The following SH3BP2 variants were observed in gnomAD, a reference collection of about 807,000 sequenced individuals.
SH3BP2 encodes the protein SH3 domain binding protein 2.
A neutral mutation model predicts 56.2 loss-of-function variants in SH3BP2; 38 were observed. The ratio of observed to expected loss-of-function variants is 0.68; its 90% CI spans 0.52 to 0.89. The LOEUF is 0.89. SH3BP2 is among the 40% of genes least tolerant of loss of function. SH3BP2 has a pLI of 0.00. For missense variants in SH3BP2, 748 were observed against 762.6 expected, an observed-to-expected ratio of 0.98 and a Z score of 0.23; for synonymous variants, 346 against 316.7, an observed-to-expected ratio of 1.09 and a Z score of -0.98.
At chr4:2,820,009 C>T (rs1014271165) in intron 1 of SH3BP2, among the ~76,000 whole-genome samples, 1 of 152,118 alleles carries the variant, frequency 6.6e-6, no homozygotes, top group Non-Finnish European at 1.5e-5. Context: ...GGGTGGATAG[C>T]AGCCAACCCA....
rs1314236486 is a variant in SH3BP2, at chr4:2,829,635, C to T, written c.729C>T (p.Gly243=). Residue 243 remains glycine, a synonymous_variant, in exon 8 of 13, where the codon GGC becomes GGT. Transcript: ENST00000503393. This position sits in a 1 kb window ranked among gnomAD's most constrained non-coding sequence, Gnocchi z 4.9. ...PLLPPPPPKH[G]LPDVGLAAED... The stretch of plus-strand genomic sequence containing the variant: ...TGCCACCCCCGCCCCCTAAGCACGG[C>T]CTCCCAGATGTTGGCCTGGCTGCTG... The T allele has an allele frequency of 6.2e-7, 1 of 1,612,872 alleles. No homozygotes were observed. Among genetic ancestry groups the T allele is most frequent in the Non-Finnish European group, 8.5e-7 (1 of 1,179,782 alleles).
chr4:2,797,919 C>T (rs988683154), intron 1 of SH3BP2, among the ~76,000 whole-genome samples: 1 of 152,248 alleles, frequency 6.6e-6, no homozygotes, highest in African/African-American at 2.4e-5. Context: ...CTGTGTTTAA[C>T]TCTACTGAGC....
At chr4:2,826,177 G>A (rs1435919215) in intron 5 of SH3BP2, 2 of 155,470 alleles carry the variant, frequency 1.3e-5, no homozygotes, top group African/African-American at 4.8e-5. Context: ...ACCTAGTGGA[G>A]GCACCACAGC....
chr4:2,793,305 TCTCGGGGGA>T (rs1268025239), intron 1 of SH3BP2, among the ~76,000 whole-genome samples, 167 bp downstream of exon 1: 1 of 115,770 alleles, frequency 8.6e-6, no homozygotes, highest in African/African-American at 3.4e-5. Context: ...GTCTCGGGGG[TCTCGGGGGA>T]GTCTCCGGGG....
chr4:2,803,831 C>T lies in SH3BP2; in HGVS notation c.-5+10693C>T, dbSNP rs117255850. On this transcript the variant is annotated intron_variant, in intron 1 of 12. Coordinates refer to ENST00000503393, the MANE Select transcript of SH3BP2 (RefSeq NM_001122681.2). ...CCCAGGACGCTGGCGGATGTGTCAA[C>T]GTGTCTGGGTGGAACAGATGTCACA... Among the ~76,000 whole-genome samples the T allele has an allele frequency of 5.3e-4, 81 of 152,278 alleles. No individual in the cohort carries two copies. In the East Asian group the frequency reaches 6.9e-3, roughly 13 times the overall value.
chr4:2,812,214 C>G, intron 1 of SH3BP2: 1 of 1,482,856 alleles, frequency 6.7e-7, no homozygotes, highest in Non-Finnish European at 9.0e-7. Context: ...CAGGAAGTGC[C>G]GGCTACTTGG....
Position 2,829,156 on chromosome 4 carries a change from G to A in SH3BP2, c.587-337G>A, listed in dbSNP as rs1472001808. ...CCTTGGGAATTCCGTCCTCCCTCTC[G>A]CTCCAGCCGAGCCCTGAGATCCTTC... On this transcript the variant is annotated intron_variant, in intron 7 of 12. Coordinates refer to ENST00000503393, the MANE Select transcript of SH3BP2 (RefSeq NM_001122681.2). The surrounding 1 kb of genome is among the most constrained non-coding windows in gnomAD (Gnocchi z 4.9). Among the ~76,000 whole-genome samples the A allele has an allele frequency of 2.0e-5, 3 of 152,038 alleles. No homozygotes were observed. The highest frequency in any genetic ancestry group is 2.9e-5 in the Non-Finnish European group (2 of 68,002).
At position 2,819,304 on chromosome 4, in the gene SH3BP2, C is replaced by T. The variant is rs150383589; in HGVS notation, c.-4-1310C>T. 3.0e-3 allele frequency among the ~76,000 whole-genome samples: 455 copies of T among 152,296 alleles called. 5 individuals carry two copies. Among genetic ancestry groups the T allele is most frequent in the African/African-American group, 0.011 (442 of 41,552 alleles). On this transcript the variant is annotated intron_variant, in intron 1 of 12. Coordinates refer to ENST00000503393, the MANE Select transcript of SH3BP2 (RefSeq NM_001122681.2). ...GTACGATCATAGACCACTGCAGCCT[C>T]AAACTCCTGGGCTCAAGTGATCCTC...
chr4:2,814,285 G>A lies in SH3BP2; in HGVS notation c.-4-6329G>A, dbSNP rs537678304. ...GGGCTCATGGGGCCCCAGGGTGGTG[G>A]GAGCCACAGAGCCTGCATTAAATGG... On this transcript the variant is annotated intron_variant, in intron 1 of 12. Coordinates refer to ENST00000503393, the MANE Select transcript of SH3BP2 (RefSeq NM_001122681.2). Among the ~76,000 whole-genome samples, 4 of 152,300 alleles carry A rather than the reference G, an allele frequency of 2.6e-5. No individual in the cohort carries two copies. The East Asian group carries it at 5.8e-4, about 22-fold the overall frequency.
chr4:2,827,281 G>A lies in SH3BP2; in HGVS notation c.480G>A (p.Val160=). Residue 160 remains valine (V), a synonymous_variant, in exon 6 of 13, where the codon GTG becomes GTA. Transcript: ENST00000503393. ...DSFYGAVERP[V]DISLSPYPTD... ...TCTACGGCGCAGTTGAGCGGCCTGT[G>A]GATATCAGCCTTTCCCCGTACCCCA... 6.2e-7 allele frequency: 1 copy of A among 1,614,202 alleles called. No homozygotes were observed. Among genetic ancestry groups the A allele is most frequent in the Non-Finnish European group, 8.5e-7 (1 of 1,180,032 alleles).
intron 1 of SH3BP2, among the ~76,000 whole-genome samples, chr4:2,801,502 C>G (rs1162907205): frequency 6.6e-6 from 1 of 152,222 alleles, no homozygotes; most frequent in Non-Finnish European, 1.5e-5. Flanking sequence ...GCCTGCATCT[C>G]CCTTCCCCTG....
chr4:2,812,248 G>A (rs1486383930), intron 1 of SH3BP2: 2 of 1,530,692 alleles, frequency 1.3e-6, no homozygotes, highest in East Asian at 2.5e-5. Flanking sequence ...GCAGGGAACA[G>A]GAAGTCCCGG....
intron 1 of SH3BP2, among the ~76,000 whole-genome samples, chr4:2,794,506 C>T (rs1350097843): frequency 6.6e-6 from 1 of 152,264 alleles, no homozygotes; most frequent in East Asian, 1.9e-4. Flanking sequence ...AGTGAGGATT[C>T]TGTCTATCCC....
chr4:2,812,925 C>T (rs1723824177), intron 1 of SH3BP2, among the ~76,000 whole-genome samples: 1 of 152,094 alleles, frequency 6.6e-6, no homozygotes, highest in African/African-American at 2.4e-5. Context: ...TCCCTGCTGC[C>T]CACCTGGGGA....
intron 1 of SH3BP2, among the ~76,000 whole-genome samples, chr4:2,812,641 G>A (rs1723802699): frequency 6.6e-6 from 1 of 152,236 alleles, no homozygotes; most frequent in Non-Finnish European, 1.5e-5. Flanking sequence ...AGGCTCTGAG[G>A]AGAGTGGCCT....
At chr4:2,833,664 C>T in intron 12 of SH3BP2, 33 bp from the exon 13 acceptor site, 5 of 1,600,078 alleles carry the variant, frequency 3.1e-6, no homozygotes, top group Non-Finnish European at 4.3e-6. Context: ...GTGGCCTGGC[C>T]CTGCTGACGC....
Position 2,834,165 on chromosome 4 carries a change from C to T in SH3BP2, c.*331C>T. Reference sequence around the variant, plus strand: ...CCCATCACACTCACCCCTAAGTGGGCTGGGAGCCAGGCAGGGCCAGGGCAG... The same window carrying T: ...CCCATCACACTCACCCCTAAGTGGGTTGGGAGCCAGGCAGGGCCAGGGCAG... On this transcript the variant is annotated 3_prime_UTR_variant, in exon 13 of 13. Coordinates refer to ENST00000503393, the MANE Select transcript of SH3BP2 (RefSeq NM_001122681.2). 3.8e-6 allele frequency: 1 copy of T among 262,452 alleles called. No individual in the cohort carries two copies. Among genetic ancestry groups the T allele is most frequent in the South Asian group, 7.9e-5 (1 of 12,588 alleles). The allele number at this position is 262,452 out of a possible 1,614,324, so 16.3% of individuals were successfully genotyped here.
At chr4:2,795,269 G>T (rs1412703128) in intron 1 of SH3BP2, among the ~76,000 whole-genome samples, 1 of 152,214 alleles carries the variant, frequency 6.6e-6, no homozygotes, top group Non-Finnish European at 1.5e-5. Flanking sequence ...TGCCCACATT[G>T]GACTAAGGCC....
intron 1 of SH3BP2, chr4:2,812,584 G>A: frequency 7.2e-7 from 1 of 1,385,016 alleles, no homozygotes; most frequent in African/African-American, 1.4e-5. Context: ...CCTCGGGGCT[G>A]GCCGTGGGAG....
Sources: gnomAD v4.1 joint callset for allele counts (sites outside exome capture counted in the v4.1 genomes callset) on GRCh38, gnomAD v4.1.1 for gene constraint, Gnocchi (gnomAD v3.1) non-coding constraint, MANE v1.5 for transcripts, NCBI Gene and HGNC (gene_info 2026-07-23, HGNC 2026-07-21) for gene names.